Variants in THRB observed in about 807,000 individuals in gnomAD.
THRB encodes the protein nuclear receptor subfamily 1 group A member 2.
In THRB, 12 loss-of-function variants were observed where a neutral mutation model predicts 47.8. The observed-to-expected ratio is 0.25, with a 90% CI of 0.16 to 0.41. THRB has a LOEUF of 0.41. Among genes scored for constraint, THRB ranks in the 10% least tolerant of loss-of-function variants. The pLI, the probability that THRB is intolerant of heterozygous loss-of-function variation, is 1.00. For synonymous variants in THRB, 218 were observed against 212.2 expected, an observed-to-expected ratio of 1.03 and a Z score of -0.24; for missense variants, 348 against 589.2, an observed-to-expected ratio of 0.59 and a Z score of 4.24.
At chr3:24,380,521 T>C (rs2065621991) in intron 1 of THRB, among the ~76,000 whole-genome samples, 1 of 152,122 alleles carries the variant, frequency 6.6e-6, no homozygotes, top group Admixed American at 6.5e-5. Flanking sequence ...TTCAAGTCCA[T>C]TCACTTTTCA....
intron 1 of THRB, among the ~76,000 whole-genome samples, chr3:24,344,140 T>C (rs963076439): frequency 2.6e-5 from 4 of 151,804 alleles, no homozygotes; most frequent in Non-Finnish European, 4.4e-5. Context: ...ATTATACAAT[T>C]ATCATAGTAA....
At chr3:24,175,413 AG>A (rs1467481172) in intron 5 of THRB, among the ~76,000 whole-genome samples, 1 of 152,226 alleles carries the variant, frequency 6.6e-6, no homozygotes, top group Non-Finnish European at 1.5e-5. Context: ...AGAAGACCAA[AG>A]GCAAATCATA....
intron 3 of THRB, among the ~76,000 whole-genome samples, chr3:24,252,755 A>G (rs1008372323): frequency 2.6e-5 from 4 of 152,140 alleles, no homozygotes; most frequent in Admixed American, 2.6e-4. Context: ...CATTTATAGA[A>G]TAATATGAAA....
chr3:24,129,531 AT>A (rs2033479951), intron 9 of THRB, among the ~76,000 whole-genome samples: 1 of 152,248 alleles, frequency 6.6e-6, no homozygotes, highest in Non-Finnish European at 1.5e-5. Context: ...ATTAGTTCAA[AT>A]TTAAATAAAA....
In THRB at chr3:24,122,429, A is replaced by G; in HGVS notation, c.*455T>C. On this transcript the variant is annotated 3_prime_UTR_variant, in exon 11 of 11. Coordinates refer to ENST00000646209, the MANE Select transcript of THRB (RefSeq NM_001354712.2). ...TGAAAATTTGTTCGAGTCTTTCCCTAAAAGGCTGAAAGCCACATCTAACTA... is the reference window on the plus strand; with the variant it reads ...TGAAAATTTGTTCGAGTCTTTCCCTGAAAGGCTGAAAGCCACATCTAACTA... The G allele has an allele frequency of 4.5e-6, 1 of 222,082 alleles. No homozygotes were observed. 13.8% of individuals were successfully genotyped at this position (222,082 alleles called of 1,614,324 possible).
At chr3:24,358,605 T>A (rs1362414614) in intron 1 of THRB, among the ~76,000 whole-genome samples, 2 of 152,160 alleles carry the variant, frequency 1.3e-5, no homozygotes, top group Admixed American at 6.5e-5. Context: ...TACTTTCCAG[T>A]CCCTATTATA....
rs550597950 is a variant in THRB at position 24,334,951 on chromosome 3, G to A, written c.-189+2349C>T. ...AGAATGGGTATACAACATGTGTAACGTTTGTCACGTGTTTCTCACTTACGG... is the reference window on the plus strand; with the variant it reads ...AGAATGGGTATACAACATGTGTAACATTTGTCACGTGTTTCTCACTTACGG... On this transcript the variant is annotated intron_variant, in intron 2 of 10. Transcript: ENST00000646209. 5.3e-5 allele frequency among the ~76,000 whole-genome samples: 8 copies of A among 152,264 alleles called. No homozygotes were observed. In the East Asian group the frequency reaches 5.8e-4, roughly 11 times the overall value.
intron 2 of THRB, among the ~76,000 whole-genome samples, chr3:24,331,472 T>C (rs1361510928): frequency 6.6e-6 from 1 of 152,148 alleles, no homozygotes; most frequent in East Asian, 1.9e-4. Context: ...TTACAATTTC[T>C]CCTTCTCACA....
At chr3:24,465,298 C>T (rs1233483937) in intron 1 of THRB, among the ~76,000 whole-genome samples, 1 of 152,128 alleles carries the variant, frequency 6.6e-6, no homozygotes, top group Non-Finnish European at 1.5e-5. Context: ...AGTTAGCTGG[C>T]TATTTAATTG....
intron 4 of THRB, among the ~76,000 whole-genome samples, chr3:24,201,836 T>C (rs1367963116): frequency 6.6e-6 from 1 of 152,180 alleles, no homozygotes; most frequent in Non-Finnish European, 1.5e-5. Flanking sequence ...TTTTTTTTTG[T>C]CGGTTTCTCC....
intron 1 of THRB, among the ~76,000 whole-genome samples, chr3:24,463,517 C>G (rs1224334447): frequency 6.6e-6 from 1 of 152,182 alleles, no homozygotes; most frequent in Non-Finnish European, 1.5e-5. Context: ...TCAGCCTCCA[C>G]AAAGTGCTGG....
At chr3:24,159,063 G>C (rs536843698) in intron 5 of THRB, among the ~76,000 whole-genome samples, 2 of 152,322 alleles carry the variant, frequency 1.3e-5, no homozygotes, top group Non-Finnish European at 2.9e-5. Flanking sequence ...ATAGCTTTGG[G>C]CTCATGCAGA....
intron 4 of THRB, among the ~76,000 whole-genome samples, chr3:24,212,143 A>G (rs1052427085): frequency 1.3e-5 from 2 of 152,136 alleles, no homozygotes; most frequent in African/African-American, 4.8e-5. Flanking sequence ...TTATGCCTGT[A>G]ATCCCAGCAC....
intron 3 of THRB, among the ~76,000 whole-genome samples, chr3:24,259,852 TTAAA>T (rs951516714): frequency 5.3e-5 from 8 of 152,040 alleles, no homozygotes; most frequent in African/African-American, 1.5e-4. Flanking sequence ...AATAGATTAA[TTAAA>T]TGTGTGTGTG....
chr3:24,363,257 A>G (rs2064202009), intron 1 of THRB, among the ~76,000 whole-genome samples: 1 of 152,182 alleles, frequency 6.6e-6, no homozygotes, highest in African/African-American at 2.4e-5. Flanking sequence ...GGAATTTAAG[A>G]GTCCAAAGAC....
Position 24,190,204 on chromosome 3 carries a change from A to G in THRB, c.153T>C (p.Asn51=). ...GGATGAGATGTGGCGACGACTGTTC[A>G]TTTTTCAACGTGCTGCGCCTCTCTG... is the stretch of plus-strand genomic sequence containing the variant. ...SHSERRSTLK[N]EQSSPHLIQT... Residue 51 remains asparagine (N), a synonymous_variant, in exon 5 of 11, where the codon AAT becomes AAC. Transcript: ENST00000646209. 6.2e-7 allele frequency: 1 copy of G among 1,614,030 alleles called. No individual in the cohort carries two copies. Among genetic ancestry groups the G allele is most frequent in the Non-Finnish European group, 8.5e-7 (1 of 1,179,974 alleles).
intron 1 of THRB, chr3:24,455,394 T>C (rs1444831281): frequency 2.6e-5 from 4 of 152,110 alleles, no homozygotes; most frequent in African/African-American, 9.7e-5. Context: ...TCCTGAGAGG[T>C]CTTACTTAGT....
chr3:24,424,728 T>A (rs1484872296), intron 1 of THRB, among the ~76,000 whole-genome samples: 1 of 151,986 alleles, frequency 6.6e-6, no homozygotes, highest in Non-Finnish European at 1.5e-5. Context: ...AAAAGCCTAG[T>A]AGCAAAACTT....
chr3:24,123,259 G>A (rs569357379), intron 10 of THRB, 134 bp from the exon 11 acceptor site: 179 of 1,250,256 alleles, frequency 1.4e-4, no homozygotes, highest in South Asian at 6.9e-4. Context: ...TGGATGCAGC[G>A]TGAACTCTGG....
Sources: allele counts gnomAD v4.1 joint callset (sites outside exome capture counted in the v4.1 genomes callset), GRCh38; gene constraint gnomAD v4.1.1; transcripts MANE v1.5; gene names NCBI Gene and HGNC (gene_info 2026-07-23, HGNC 2026-07-21).